ZNF365: variants seen among roughly 807,000 people sequenced by gnomAD.
ZNF365 encodes the protein protein ZNF365.
A neutral mutation model predicts 35.0 loss-of-function variants in ZNF365; 22 were observed. The ratio of observed to expected loss-of-function variants is 0.63; its 90% confidence interval spans 0.45 to 0.90. The LOEUF is 0.90. Ranked by LOEUF, ZNF365 falls within the 40% of genes least tolerant of loss-of-function variation. The pLI is 0.00. For synonymous variants in ZNF365, 188 were observed against 196.2 expected, an observed-to-expected ratio of 0.96 and a Z score of 0.35; for missense variants, 448 against 500.3, an observed-to-expected ratio of 0.90 and a Z score of 1.00.
Position 62,400,073 on chromosome 10 carries a change from A to G in ZNF365, c.*284A>G. On this transcript the variant is annotated 3_prime_UTR_variant, in exon 5 of 5. Coordinates refer to ENST00000395254, the MANE Select transcript of ZNF365 (RefSeq NM_014951.3). ...TTCTAAAGTAACTGGCCCAGTCTCC[A>G]GTAATCTTGGCATCTGGGCTTCTAT... 1 of 1,151,412 alleles carries G rather than the reference A, an allele frequency of 8.7e-7. No homozygotes were observed. The highest frequency in any genetic ancestry group is 4.7e-5 in the East Asian group (1 of 21,502). 71.3% of individuals were successfully genotyped at this position (1,151,412 alleles called of 1,614,324 possible).
chr10:62,462,159 A>G (rs1425341775), intron 4 of ZNF365, among the ~76,000 whole-genome samples: 1 of 152,144 alleles, frequency 6.6e-6, no homozygotes, highest in Non-Finnish European at 1.5e-5. Flanking sequence ...CTCACCTGAT[A>G]ACCAATTAGA....
At chr10:62,405,290 G>T (rs1172729627), downstream of ZNF365, among the ~76,000 whole-genome samples, 1 of 152,112 alleles carries the variant, frequency 6.6e-6, no homozygotes, top group Non-Finnish European at 1.5e-5. Context: ...GCATTTTCCA[G>T]GTAGTTTTGA....
chr10:62,397,281 T>C (rs1839744764), intron 3 of ZNF365, among the ~76,000 whole-genome samples: 1 of 152,352 alleles, frequency 6.6e-6, no homozygotes, highest in South Asian at 2.1e-4. Context: ...TCCTTTTTTT[T>C]TTTTAAGGAA....
chr10:62,472,365 G>A lies in ZNF365; in HGVS notation c.982-7511G>A, dbSNP rs1240002703. Among the ~76,000 whole-genome samples, 4 of 152,150 alleles carry A rather than the reference G, an allele frequency of 2.6e-5. No homozygotes were observed. The South Asian group carries it at 6.2e-4, about 24-fold the overall frequency. ...GACCCACTCCCAATTCCTATGTCAA[G>A]GTCCTAAACCTGAGTATGCAGATGG... On this transcript the variant is annotated intron_variant, in intron 4 of 4. Transcript: ENST00000395255.
rs549204716 is a variant in ZNF365, at chr10:62,401,306, CAT to C, written c.*1518_*1519del. On this transcript the variant is annotated 3_prime_UTR_variant, in exon 5 of 5. Transcript: ENST00000395254. ...AAAATCAAAACTGTAACGTAATTAA[CAT>C]TGGCAGAATTATGATTGTTACTGCA... is the stretch of plus-strand genomic sequence containing the variant. 4.2e-4 allele frequency: 413 copies of C among 985,412 alleles called. No homozygotes were observed. In the African/African-American group the frequency reaches 6.9e-3, roughly 16 times the overall value. 61.0% of individuals were successfully genotyped at this position (985,412 alleles called of 1,614,324 possible).
intron 3 of ZNF365, among the ~76,000 whole-genome samples, chr10:62,451,165 G>A (rs549484882): frequency 3.3e-4 from 50 of 152,336 alleles, no homozygotes; most frequent in Non-Finnish European, 6.5e-4. Flanking sequence ...GTAGGGAGGA[G>A]TTTGGTCACT....
chr10:62,447,489 C>G (rs1473019090), intron 3 of ZNF365, among the ~76,000 whole-genome samples: 1 of 152,162 alleles, frequency 6.6e-6, no homozygotes, highest in Non-Finnish European at 1.5e-5. Flanking sequence ...GTTATTTCCT[C>G]CAATCCCTTG....
chr10:62,387,745 G>A (rs1462219972), intron 2 of ZNF365, among the ~76,000 whole-genome samples: 1 of 152,164 alleles, frequency 6.6e-6, no homozygotes. Flanking sequence ...TGTTGGACAA[G>A]ATGACTCATT....
intron 3 of ZNF365, among the ~76,000 whole-genome samples, chr10:62,416,284 G>A (rs1205716629): frequency 6.6e-6 from 1 of 151,748 alleles, no homozygotes; most frequent in Non-Finnish European, 1.5e-5. Flanking sequence ...AGCATAAGCT[G>A]AACACAAAGA....
At chr10:62,474,296 G>T (rs1270419992) in intron 4 of ZNF365, among the ~76,000 whole-genome samples, 1 of 152,180 alleles carries the variant, frequency 6.6e-6, no homozygotes, top group African/African-American at 2.4e-5. Flanking sequence ...ACAGCAGTAG[G>T]TCAGCAACAG....
intron 3 of ZNF365, among the ~76,000 whole-genome samples, chr10:62,450,772 C>A (rs1172369279): frequency 1.3e-5 from 2 of 152,190 alleles, no homozygotes; most frequent in Non-Finnish European, 2.9e-5. Flanking sequence ...AGAAACAAAT[C>A]TGTGAAGAAT....
At chr10:62,466,005 A>G (rs570533059) in intron 4 of ZNF365, among the ~76,000 whole-genome samples, 4 of 152,200 alleles carry the variant, frequency 2.6e-5, no homozygotes, top group Non-Finnish European at 4.4e-5. Flanking sequence ...AGGCCAGTCC[A>G]AGAGCTGTGG....
intron 3 of ZNF365, among the ~76,000 whole-genome samples, chr10:62,432,377 C>A (rs1046249269): frequency 2.0e-5 from 3 of 152,158 alleles, no homozygotes; most frequent in Non-Finnish European, 4.4e-5. Flanking sequence ...TTAATTCAAC[C>A]CTGAATTCAA....
chr10:62,465,750 A>T (rs1290534528), intron 4 of ZNF365, among the ~76,000 whole-genome samples: 1 of 152,186 alleles, frequency 6.6e-6, no homozygotes, highest in Non-Finnish European at 1.5e-5. Context: ...TTCTTCCTGG[A>T]TGTGGGACAA....
intron 3 of ZNF365, among the ~76,000 whole-genome samples, chr10:62,438,199 T>G (rs181519174): frequency 9.6e-4 from 146 of 151,418 alleles, no homozygotes; most frequent in African/African-American, 3.0e-3. Flanking sequence ...TTTTGTTTTT[T>G]TTTTTTTGAG....
At chr10:62,409,424 C>T (rs542842906) in intron 3 of ZNF365, among the ~76,000 whole-genome samples, 1 of 152,216 alleles carries the variant, frequency 6.6e-6, no homozygotes, top group Non-Finnish European at 1.5e-5. Context: ...TCTAACGAAT[C>T]GCTAGAATCC....
intron 4 of ZNF365, among the ~76,000 whole-genome samples, chr10:62,469,213 G>GACATTTTTAGCAAT (rs1231937078): frequency 3.9e-5 from 6 of 152,164 alleles, no homozygotes; most frequent in Non-Finnish European, 8.8e-5. Context: ...GGTTTTAGCA[G>GACATTTTTAGCAAT]AAAAATGTCT....
At chr10:62,411,974 A>G (rs1208284810) in intron 3 of ZNF365, among the ~76,000 whole-genome samples, 3 of 152,106 alleles carry the variant, frequency 2.0e-5, no homozygotes, top group Non-Finnish European at 4.4e-5. Flanking sequence ...AACTAGCAGA[A>G]GACAAGAAAA....
In ZNF365 at chr10:62,401,868, C is replaced by G; in HGVS notation, c.*2079C>G. 1.0e-6 allele frequency: 1 copy of G among 985,522 alleles called. No homozygotes were observed. Among genetic ancestry groups the G allele is most frequent in the Non-Finnish European group, 1.2e-6 (1 of 829,894 alleles). 61.0% of individuals were successfully genotyped at this position (985,522 alleles called of 1,614,324 possible). ...CAGAAAGTACCATAATGTCATCCTA[C>G]TCTACATTTCACAAGACGAATTATT... On this transcript the variant is annotated 3_prime_UTR_variant, in exon 5 of 5. Coordinates refer to ENST00000395254, the MANE Select transcript of ZNF365 (RefSeq NM_014951.3).
Sources: allele counts gnomAD v4.1 joint callset (sites outside exome capture counted in the v4.1 genomes callset), GRCh38; gene constraint gnomAD v4.1.1; transcripts MANE v1.5; gene names NCBI Gene and HGNC (gene_info 2026-07-23, HGNC 2026-07-21).